The following SHISA5 variants were observed in gnomAD, a reference collection of about 807,000 sequenced individuals.
SHISA5 encodes shisa family member 5, also known as protein shisa-5.
In SHISA5, 21 loss-of-function variants were observed where a neutral mutation model predicts 27.5. That is an observed-to-expected ratio of 0.76 (90% CI 0.54 to 1.10). The LOEUF (loss-of-function observed/expected upper bound fraction) is 1.10, where lower values mean the gene tolerates loss of function less well. Among genes scored for constraint, SHISA5 ranks in the 50% least tolerant of loss-of-function variants. The pLI is 0.00. For missense variants in SHISA5, 314 were observed against 336.3 expected, an observed-to-expected ratio of 0.93 and a Z score of 0.52; for synonymous variants, 137 against 142.2, an observed-to-expected ratio of 0.96 and a Z score of 0.26.
rs76231207 is a variant in SHISA5, at chr3:48,502,424, G to C, written c.77-1131C>G. 3.7e-3 allele frequency: 1,694 copies of C among 456,700 alleles called. 21 individuals carry two copies. Among genetic ancestry groups the C allele is most frequent in the African/African-American group, 0.031 (1,535 of 50,210 alleles). 28.3% of individuals were successfully genotyped at this position (456,700 alleles called of 1,614,324 possible). On this transcript the variant is annotated intron_variant, in intron 1 of 5. Coordinates refer to ENST00000296444, the MANE Select transcript of SHISA5 (RefSeq NM_016479.6). ...GTTTGAGACCAGCCTGGGCAACAGG[G>C]CTCCAAGGCAGTGGCACCATCTGTA...
chr3:48,496,803 GAA>G (rs1049594634), intron 2 of SHISA5, among the ~76,000 whole-genome samples: 3 of 150,576 alleles, frequency 2.0e-5, no homozygotes, highest in African/African-American at 7.3e-5. Context: ...AGGAAAAAAT[GAA>G]ACATATATAA....
chr3:48,468,093 T>C lies in SHISA5; in HGVS notation c.*1014A>G. 1 of 958,744 alleles carries C rather than the reference T, an allele frequency of 1.0e-6. No homozygotes were observed. The allele number at this position is 958,744 out of a possible 1,614,324, so 59.4% of individuals were successfully genotyped here. A position where few individuals can be genotyped will look rare whatever the true frequency, so the allele number is the denominator to read the frequency against. ...TCCCTGCTGCCAGAACACCGTGGAC[T>C]GGGGTACAGGAGTTGTTGCATATTC... On this transcript the variant is annotated 3_prime_UTR_variant, in exon 6 of 6. Transcript: ENST00000296444.
chr3:48,472,483 G>A (rs769780030), intron 3 of SHISA5, among the ~76,000 whole-genome samples: 5 of 152,164 alleles, frequency 3.3e-5, no homozygotes, highest in Non-Finnish European at 7.3e-5. Context: ...GTGACAGAGC[G>A]AGACTCTGTC....
At chr3:48,485,444 A>G (rs934890178) in intron 2 of SHISA5, among the ~76,000 whole-genome samples, 3 of 150,304 alleles carry the variant, frequency 2.0e-5, no homozygotes, top group Admixed American at 6.7e-5. Flanking sequence ...GCAGTGAGCC[A>G]AGATCGTGCC....
At chr3:48,498,689 GAAAAAAAA>G (rs11294310) in intron 2 of SHISA5, among the ~76,000 whole-genome samples, 1 of 80,624 alleles carries the variant, frequency 1.2e-5, no homozygotes, top group African/African-American at 4.2e-5. Context: ...TCTCCAGAAA[GAAAAAAAA>G]AAAAAAAAAA....
intron 2 of SHISA5, among the ~76,000 whole-genome samples, chr3:48,492,297 T>C (rs151143326): frequency 6.7e-5 from 10 of 148,546 alleles, no homozygotes; most frequent in South Asian, 2.2e-4. Context: ...GGTGAAACCC[T>C]GTCTCTACTA....
At chr3:48,494,130 T>C (rs2041493092) in intron 2 of SHISA5, among the ~76,000 whole-genome samples, 1 of 147,056 alleles carries the variant, frequency 6.8e-6, no homozygotes, top group Admixed American at 6.7e-5. Context: ...TGCCACCTCC[T>C]AGTCTCCGGT....
intron 2 of SHISA5, among the ~76,000 whole-genome samples, chr3:48,496,923 A>G (rs2041570984): frequency 6.6e-6 from 1 of 151,934 alleles, no homozygotes; most frequent in South Asian, 2.1e-4. Flanking sequence ...AACTCAATAT[A>G]GTAAAATGTC....
chr3:48,496,656 C>T (rs1389244158), intron 2 of SHISA5, among the ~76,000 whole-genome samples: 2 of 151,296 alleles, frequency 1.3e-5, no homozygotes, highest in Non-Finnish European at 2.9e-5. Flanking sequence ...ATCGCTTGAA[C>T]CCGGGAGGCA....
At chr3:48,486,868 C>G (rs529319179) in intron 2 of SHISA5, among the ~76,000 whole-genome samples, 1 of 148,338 alleles carries the variant, frequency 6.7e-6, no homozygotes, top group Non-Finnish European at 1.5e-5. Context: ...TACAGTGAGC[C>G]GAGACTGAGC....
chr3:48,496,502 G>A (rs2041555985), intron 2 of SHISA5, among the ~76,000 whole-genome samples: 2 of 151,876 alleles, frequency 1.3e-5, no homozygotes, highest in East Asian at 3.9e-4. Flanking sequence ...AGGCTGAGGC[G>A]GATGGATCAC....
intron 1 of SHISA5, chr3:48,503,685 C>A: frequency 8.8e-7 from 1 of 1,134,434 alleles, no homozygotes; most frequent in Non-Finnish European, 1.1e-6. Flanking sequence ...CGCCCTGCAG[C>A]CACCCGCCAG....
intron 2 of SHISA5, among the ~76,000 whole-genome samples, chr3:48,487,110 GCACACA>G (rs550343301): frequency 6.7e-6 from 1 of 148,660 alleles, no homozygotes; most frequent in Admixed American, 6.7e-5. Context: ...GTCCATAGGC[GCACACA>G]CACACACGCA....
Position 48,468,358 on chromosome 3 carries a change from C to T in SHISA5, c.*749G>A. ...GGCAGGGCCAGCAAGGGCAGCAGAG[C>T]TCCCTGGGGGCAGCTAGGCTGTGTG... On this transcript the variant is annotated 3_prime_UTR_variant, in exon 6 of 6. Transcript: ENST00000296444. 1 of 1,058,866 alleles carries T rather than the reference C, an allele frequency of 9.4e-7. No individual in the cohort carries two copies. Among genetic ancestry groups the T allele is most frequent in the Non-Finnish European group, 1.1e-6 (1 of 873,486 alleles). The allele number at this position is 1,058,866 out of a possible 1,614,324, so 65.6% of individuals were successfully genotyped here.
intron 2 of SHISA5, among the ~76,000 whole-genome samples, chr3:48,480,360 A>T (rs1575314221): frequency 6.6e-6 from 1 of 152,226 alleles, no homozygotes; most frequent in East Asian, 1.9e-4. Flanking sequence ...AAGGATACTT[A>T]CCTGGCAGGG....
chr3:48,468,129 G>A lies in SHISA5; in HGVS notation c.*978C>T. 1 of 996,100 alleles carries A rather than the reference G, an allele frequency of 1.0e-6. No individual in the cohort carries two copies. Among genetic ancestry groups the A allele is most frequent in the African/African-American group, 1.7e-5 (1 of 57,426 alleles). The allele number at this position is 996,100 out of a possible 1,614,324, so 61.7% of individuals were successfully genotyped here. A position where few individuals can be genotyped will look rare whatever the true frequency, so the allele number is the denominator to read the frequency against. On this transcript the variant is annotated 3_prime_UTR_variant, in exon 6 of 6. Transcript: ENST00000296444. ...AGTTGTTGCATATTCCATGAGGCTGGTGTCGGGAAGCAGGGACTCACAGTT... is the reference window on the plus strand; with the variant it reads ...AGTTGTTGCATATTCCATGAGGCTGATGTCGGGAAGCAGGGACTCACAGTT...
In SHISA5 at chr3:48,468,762, A is replaced by T; in HGVS notation, c.*345T>A. 7.2e-7 allele frequency: 1 copy of T among 1,380,360 alleles called. No individual in the cohort carries two copies. The highest frequency in any genetic ancestry group is 9.5e-7 in the Non-Finnish European group (1 of 1,047,926). The allele number at this position is 1,380,360 out of a possible 1,614,324, so 85.5% of individuals were successfully genotyped here. On this transcript the variant is annotated 3_prime_UTR_variant, in exon 6 of 6. Transcript: ENST00000296444. ...GTCACCCTAGGGTAAGCTGGAGAAGAACTCCAGATGTGCCCTGGAGAGGCC... is the reference window on the plus strand; with the variant it reads ...GTCACCCTAGGGTAAGCTGGAGAAGTACTCCAGATGTGCCCTGGAGAGGCC...
At chr3:48,474,151 G>A (rs879583268) in intron 3 of SHISA5, among the ~76,000 whole-genome samples, 4 of 149,716 alleles carry the variant, frequency 2.7e-5, no homozygotes, top group African/African-American at 4.9e-5. Flanking sequence ...GCAGTGGCAC[G>A]ATCACAGCTC....
intron 2 of SHISA5, among the ~76,000 whole-genome samples, chr3:48,498,238 C>T (rs769308203): frequency 6.6e-6 from 1 of 152,152 alleles, no homozygotes; most frequent in Non-Finnish European, 1.5e-5. Context: ...ATGAAAAAGC[C>T]ACAGCTGACA....
Sources: allele counts gnomAD v4.1 joint callset (sites outside exome capture counted in the v4.1 genomes callset), GRCh38; gene constraint gnomAD v4.1.1; transcripts MANE v1.5; gene names NCBI Gene and HGNC (gene_info 2026-07-23, HGNC 2026-07-21).